The following CYP2C19 variants were observed in gnomAD, a reference collection of about 807,000 sequenced individuals.
CYP2C19 encodes the protein cytochrome P450 2C19.
In CYP2C19, 59 loss-of-function variants were observed where a neutral mutation model predicts 40.9. The observed-to-expected ratio is 1.44, with a 90% CI of 1.17 to 1.79. The LOEUF is 1.79. CYP2C19 is among the 40% of genes most tolerant of loss of function. The pLI, the probability that CYP2C19 is intolerant of heterozygous loss-of-function variation, is 0.00. For missense variants in CYP2C19, 754 were observed against 596.9 expected, an observed-to-expected ratio of 1.26 and a Z score of -2.74; for synonymous variants, 253 against 208.7, an observed-to-expected ratio of 1.21 and a Z score of -1.83.
At chr10:94,823,814 A>C (rs2134271161) in intron 6 of CYP2C19, among the ~76,000 whole-genome samples, 1 of 152,302 alleles carries the variant, frequency 6.6e-6, no homozygotes, top group Non-Finnish European at 1.5e-5. Context: ...AATGTGCTTA[A>C]TTCAAATGCC....
chr10:94,789,759 G>A (rs1360684772), intron 5 of CYP2C19, among the ~76,000 whole-genome samples: 4 of 152,114 alleles, frequency 2.6e-5, no homozygotes, highest in Non-Finnish European at 5.9e-5. Context: ...TTGTAATATA[G>A]TTTGAAGTCA....
Position 94,820,566 on chromosome 10 carries a change from C to T in CYP2C19, c.890C>T (p.Ala297Val), listed in dbSNP as rs1393133490. Residue 297 changes from alanine to valine, a missense_variant, in exon 6 of 9, where the codon GCT (alanine) becomes GTT (valine). Ala to Val is a moderately conservative substitution (Grantham distance 64, BLOSUM62 0). Transcript: ENST00000371321. Reference sequence around the variant, plus strand: ...ATCACTGCAGCTGACTTACTTGGAGCTGGGACAGAGACAACAAGCACAACC... The same window carrying T: ...ATCACTGCAGCTGACTTACTTGGAGTTGGGACAGAGACAACAAGCACAACC... Reference protein sequence around the residue: ...LVITAADLLGAGTETTSTTLR... With the variant: ...LVITAADLLGVGTETTSTTLR... The T allele has an allele frequency of 3.1e-6, 5 of 1,614,038 alleles. No individual in the cohort carries two copies. Among genetic ancestry groups the T allele is most frequent in the Middle Eastern group, 1.6e-4 (1 of 6,084 alleles).
chr10:94,830,803 T>A (rs1849322665), intron 6 of CYP2C19, among the ~76,000 whole-genome samples: 1 of 152,182 alleles, frequency 6.6e-6, no homozygotes, highest in Non-Finnish European at 1.5e-5. Context: ...TATTAATATG[T>A]TTGTGGGGTA....
chr10:94,802,096 T>C (rs966668963), intron 5 of CYP2C19, among the ~76,000 whole-genome samples: 1 of 152,184 alleles, frequency 6.6e-6, no homozygotes, highest in Non-Finnish European at 1.5e-5. Context: ...TACCGAGTGC[T>C]GATTGGTCCA....
chr10:94,813,210 C>A (rs1164795874), intron 5 of CYP2C19, among the ~76,000 whole-genome samples: 2 of 152,214 alleles, frequency 1.3e-5, no homozygotes, highest in African/African-American at 4.8e-5. Flanking sequence ...CACAGAACAG[C>A]AAAGATTGCT....
At chr10:94,815,233 C>T (rs537431323) in intron 5 of CYP2C19, among the ~76,000 whole-genome samples, 1 of 151,844 alleles carries the variant, frequency 6.6e-6, no homozygotes, top group East Asian at 1.9e-4. Context: ...CTGTGTGAAG[C>T]TGATGTTACC....
chr10:94,851,835 G>C (rs1482134770), intron 8 of CYP2C19, among the ~76,000 whole-genome samples: 2 of 152,204 alleles, frequency 1.3e-5, no homozygotes, highest in East Asian at 3.9e-4. Flanking sequence ...TGTTGCACTG[G>C]GTATTATGTT....
intron 6 of CYP2C19, among the ~76,000 whole-genome samples, chr10:94,826,315 G>T (rs1470048884): frequency 1.3e-5 from 2 of 152,020 alleles, no homozygotes; most frequent in Non-Finnish European, 2.9e-5. Flanking sequence ...CCATTTGTTT[G>T]TATCCTCTTT....
At chr10:94,837,980 C>T (rs1313158204) in intron 6 of CYP2C19, among the ~76,000 whole-genome samples, 2 of 152,140 alleles carry the variant, frequency 1.3e-5, no homozygotes, top group East Asian at 1.9e-4. Flanking sequence ...GAAGCAAGCC[C>T]TATTAGACAT....
At chr10:94,814,278 T>G (rs1277959956) in intron 5 of CYP2C19, among the ~76,000 whole-genome samples, 1 of 152,014 alleles carries the variant, frequency 6.6e-6, no homozygotes, top group Non-Finnish European at 1.5e-5. Context: ...AGGTAATTAT[T>G]TTGAATTCCT....
Position 94,810,852 on chromosome 10 carries a change from A to G in CYP2C19, c.820-9644A>G, listed in dbSNP as rs142348331. Among the ~76,000 whole-genome samples the G allele has an allele frequency of 2.6e-3, 390 of 152,062 alleles. 13 individuals are homozygous for G. In the East Asian group the frequency reaches 0.061, roughly 24 times the overall value. On this transcript the variant is annotated intron_variant, in intron 5 of 8. Coordinates refer to ENST00000371321, the MANE Select transcript of CYP2C19 (RefSeq NM_000769.4). ...AAAATTAACTCCTGTATTCTTTGATATTTTGAAGGGATTTTCCTGTCTCTA... is the reference window on the plus strand; with the variant it reads ...AAAATTAACTCCTGTATTCTTTGATGTTTTGAAGGGATTTTCCTGTCTCTA...
chr10:94,819,039 C>T (rs1164627954), intron 5 of CYP2C19, among the ~76,000 whole-genome samples: 2 of 149,578 alleles, frequency 1.3e-5, no homozygotes, highest in African/African-American at 4.9e-5. Context: ...AACAAACTAT[C>T]TCTCAGACCA....
intron 6 of CYP2C19, among the ~76,000 whole-genome samples, chr10:94,826,020 T>C (rs1849214372): frequency 6.7e-6 from 1 of 149,968 alleles, no homozygotes; most frequent in South Asian, 2.1e-4. Flanking sequence ...GATCTATATC[T>C]CTGTTTTGGT....
In CYP2C19 at chr10:94,767,373, G is replaced by A. The variant is rs140678179; in HGVS notation, c.168+4500G>A. 2.8e-3 allele frequency among the ~76,000 whole-genome samples: 431 copies of A among 152,204 alleles called. 2 individuals carry two copies. Among genetic ancestry groups the A allele is most frequent in the African/African-American group, 9.9e-3 (411 of 41,548 alleles). ...GACCATTGTCACTCTGTAAGCTTTG[G>A]GGAAGCCAAAATCTAGGAATTATTT... is the stretch of plus-strand genomic sequence containing the variant. On this transcript the variant is annotated intron_variant, in intron 1 of 8. Transcript: ENST00000371321.
chr10:94,779,519 A>C (rs1036053084), intron 3 of CYP2C19, among the ~76,000 whole-genome samples: 1 of 150,710 alleles, frequency 6.6e-6, no homozygotes, highest in Admixed American at 6.6e-5. Flanking sequence ...AGAAGAAACT[A>C]AAAACTCCAT....
chr10:94,798,711 T>C (rs1288820278), intron 5 of CYP2C19, among the ~76,000 whole-genome samples: 1 of 152,108 alleles, frequency 6.6e-6, no homozygotes, highest in African/African-American at 2.4e-5. Context: ...AGTTAGCTCT[T>C]CTTGTTGAAT....
At chr10:94,792,570 A>C (rs77120885) in intron 5 of CYP2C19, among the ~76,000 whole-genome samples, 3 of 152,092 alleles carry the variant, frequency 2.0e-5, no homozygotes, top group Non-Finnish European at 4.4e-5. Context: ...ATTCTTCAGC[A>C]TTAGCTCGTC....
At position 94,780,602 on chromosome 10, in the gene CYP2C19, T is replaced by C. The variant is rs1848466954; in HGVS notation, c.585T>C (p.Leu195=). ...KRFDYKDQQF[L]NLMEKLNENI... is the part of the protein sequence containing the mutation. ...TCGATTATAAAGATCAGCAATTTCT[T>C]AACTTGATGGAAAAATTGAATGAAA... The change falls in exon 4 of 9, where the codon CTT becomes CTC. Residue 195 remains leucine, a synonymous_variant. Coordinates refer to ENST00000371321, the MANE Select transcript of CYP2C19 (RefSeq NM_000769.4). 1.2e-6 allele frequency: 2 copies of C among 1,613,794 alleles called. No individual in the cohort carries two copies. The highest frequency in any genetic ancestry group is 2.2e-5 in the South Asian group (2 of 91,080).
chr10:94,853,075 G>C lies in CYP2C19; in HGVS notation c.*161G>C. The C allele has an allele frequency of 2.8e-6, 2 of 708,644 alleles. No homozygotes were observed. Among genetic ancestry groups the C allele is most frequent in the South Asian group, 1.9e-5 (1 of 52,372 alleles). The allele number at this position is 708,644 out of a possible 1,614,324, so 43.9% of individuals were successfully genotyped here. On this transcript the variant is annotated 3_prime_UTR_variant, in exon 9 of 9. Coordinates refer to ENST00000371321, the MANE Select transcript of CYP2C19 (RefSeq NM_000769.4). ...CAGCCTCCATTAAAAAAGTTTCACT[G>C]TGCAAATATATCTGCTATTCCCCAT...
Sources: allele counts gnomAD v4.1 joint callset (sites outside exome capture counted in the v4.1 genomes callset), GRCh38; gene constraint gnomAD v4.1.1; transcripts MANE v1.5; gene names NCBI Gene and HGNC (gene_info 2026-07-23, HGNC 2026-07-21).